Variants in ARFIP1 observed in about 807,000 individuals in gnomAD.
ARFIP1 encodes arfaptin-1.
Under a neutral mutation model 42.5 loss-of-function variants are expected in ARFIP1, and 24 were observed. The ratio of observed to expected loss-of-function variants is 0.57; its 90% CI spans 0.41 to 0.80. The LOEUF is 0.80. Ranked by LOEUF, ARFIP1 falls within the 30% of genes least tolerant of loss-of-function variation. The probability of loss-of-function intolerance (pLI) is 0.00; values close to 1 mark genes in which losing one functional copy is unlikely to be tolerated. For missense variants in ARFIP1, 354 were observed against 434.0 expected (o/e 0.82, Z 1.64); for synonymous variants, 141 against 153.7 (o/e 0.92, Z 0.61).
chr4:152,796,106 T>C (rs1244679981), intron 1 of ARFIP1: 4 of 746,680 alleles, frequency 5.4e-6, no homozygotes, highest in East Asian at 2.5e-5. Context: ...ATTTTCAGGA[T>C]TGTTGATAAC....
chr4:152,905,545 G>GCTTTTT (rs1554036969), intron 8 of ARFIP1, among the ~76,000 whole-genome samples: 22 of 30,376 alleles, frequency 7.2e-4, no homozygotes, highest in African/African-American at 2.6e-3. Flanking sequence ...TGTAAGAATT[G>GCTTTTT]TTTTTTTTTT....
intron 1 of ARFIP1, among the ~76,000 whole-genome samples, chr4:152,794,926 C>A (rs1336632574): frequency 6.6e-6 from 1 of 152,092 alleles, no homozygotes; most frequent in East Asian, 1.9e-4. Flanking sequence ...TTTCAACAAA[C>A]CCCCATCTGT....
chr4:152,808,316 T>TC (rs1209495154), intron 1 of ARFIP1, among the ~76,000 whole-genome samples: 4 of 130,870 alleles, frequency 3.1e-5, no homozygotes, highest in Non-Finnish European at 4.9e-5. Context: ...TTTTTTTTTT[T>TC]TGTAGCAGTA....
At chr4:152,834,255 G>A (rs865832619) in intron 2 of ARFIP1, among the ~76,000 whole-genome samples, 1 of 152,038 alleles carries the variant, frequency 6.6e-6, no homozygotes, top group African/African-American at 2.4e-5. Context: ...TTTCAACATG[G>A]GATTTGGAGG....
At chr4:152,792,049 T>C (rs976616984) in intron 1 of ARFIP1, among the ~76,000 whole-genome samples, 5 of 152,036 alleles carry the variant, frequency 3.3e-5, no homozygotes, top group Non-Finnish European at 5.9e-5. Flanking sequence ...GTGAAAGAAA[T>C]AGAGCCACTT....
chr4:152,783,431 C>T (rs2149811328), intron 1 of ARFIP1, among the ~76,000 whole-genome samples: 2 of 152,304 alleles, frequency 1.3e-5, no homozygotes, highest in Middle Eastern at 6.8e-3. Context: ...TTACCATGTG[C>T]ATTAAGCTAA....
At chr4:152,846,759 T>C (rs1035501796) in intron 2 of ARFIP1, among the ~76,000 whole-genome samples, 55 of 152,312 alleles carry the variant, frequency 3.6e-4, no homozygotes, top group African/African-American at 1.2e-3. Flanking sequence ...CTTATATACA[T>C]GTTTCTTTTA....
intron 5 of ARFIP1, among the ~76,000 whole-genome samples, chr4:152,874,140 T>C (rs1561160757): frequency 6.6e-6 from 1 of 152,224 alleles, no homozygotes; most frequent in Admixed American, 6.5e-5. Context: ...CCTATGTGTT[T>C]ATGTGTTATT....
intron 8 of ARFIP1, among the ~76,000 whole-genome samples, chr4:152,905,542 A>ATTGT (rs1738248375): frequency 2.2e-5 from 1 of 45,958 alleles, no homozygotes; most frequent in Non-Finnish European, 4.2e-5. Context: ...AATTGTAAGA[A>ATTGT]TTGTTTTTTT....
At chr4:152,899,728 C>T (rs1278484960) in intron 8 of ARFIP1, among the ~76,000 whole-genome samples, 5 of 152,072 alleles carry the variant, frequency 3.3e-5, no homozygotes, top group African/African-American at 1.2e-4. Flanking sequence ...CCATGGAGCA[C>T]GGCCTTCCTA....
intron 1 of ARFIP1, among the ~76,000 whole-genome samples, chr4:152,807,851 A>G (rs987820523): frequency 1.3e-5 from 2 of 152,054 alleles, no homozygotes; most frequent in Non-Finnish European, 2.9e-5. Flanking sequence ...ACTCCGTACT[A>G]TTCCACCCCA....
At chr4:152,792,946 A>G (rs1309711792) in intron 1 of ARFIP1, among the ~76,000 whole-genome samples, 2 of 152,096 alleles carry the variant, frequency 1.3e-5, no homozygotes, top group Non-Finnish European at 2.9e-5. Flanking sequence ...GTTAGCAAAT[A>G]CCTCTGGCTG....
intron 1 of ARFIP1, 32 bp from the exon 2 acceptor site, chr4:152,829,593 G>A (rs774798384): frequency 6.8e-7 from 1 of 1,478,686 alleles, no homozygotes; most frequent in Non-Finnish European, 9.3e-7. Context: ...TTTGGTATTA[G>A]TTACGGCGCT....
At chr4:152,789,023 G>A (rs1260232231) in intron 1 of ARFIP1, among the ~76,000 whole-genome samples, 1 of 149,784 alleles carries the variant, frequency 6.7e-6, no homozygotes, top group Non-Finnish European at 1.5e-5. Context: ...TATGTTTCTA[G>A]GAGGAAGATC....
intron 5 of ARFIP1, among the ~76,000 whole-genome samples, chr4:152,872,968 C>G (rs1296871556): frequency 2.0e-5 from 3 of 152,186 alleles, no homozygotes; most frequent in Non-Finnish European, 4.4e-5. Flanking sequence ...AATAACTAAG[C>G]ATTAACTATA....
chr4:152,870,573 T>C (rs374703354), intron 3 of ARFIP1, among the ~76,000 whole-genome samples, 180 bp from the exon 4 acceptor site: 1 of 152,248 alleles, frequency 6.6e-6, no homozygotes, highest in African/African-American at 2.4e-5. Flanking sequence ...ATATAAAAAC[T>C]GAGCCTGGTA....
At chr4:152,792,121 A>G (rs1164215468) in intron 1 of ARFIP1, among the ~76,000 whole-genome samples, 1 of 152,148 alleles carries the variant, frequency 6.6e-6, no homozygotes, top group African/African-American at 2.4e-5. Flanking sequence ...ACTAAGCAAA[A>G]TCACTTTAAA....
At chr4:152,838,514 T>C (rs891161279) in intron 2 of ARFIP1, among the ~76,000 whole-genome samples, 1 of 152,052 alleles carries the variant, frequency 6.6e-6, no homozygotes, top group African/African-American at 2.4e-5. Flanking sequence ...TATTCCGAAG[T>C]ATTTTTTTAT....
At chr4:152,845,607 T>A (rs187274835) in intron 2 of ARFIP1, among the ~76,000 whole-genome samples, 1 of 152,212 alleles carries the variant, frequency 6.6e-6, no homozygotes, top group Non-Finnish European at 1.5e-5. Context: ...AAAATGCTCA[T>A]CACTAATCAT....
Sources: allele counts gnomAD v4.1 joint callset (sites outside exome capture counted in the v4.1 genomes callset), GRCh38; gene constraint gnomAD v4.1.1; transcripts MANE v1.5; gene names NCBI Gene and HGNC (gene_info 2026-07-23, HGNC 2026-07-21).